SNX29: variants seen among roughly 807,000 people sequenced by gnomAD.
SNX29 encodes sorting nexin-29.
A neutral mutation model predicts 102.1 loss-of-function variants in SNX29; 78 were observed. The ratio of observed to expected loss-of-function variants is 0.76; its 90% CI spans 0.64 to 0.92. The LOEUF is 0.92. Among genes scored for constraint, SNX29 ranks in the 40% least tolerant of loss-of-function variants. The pLI, the probability that SNX29 is intolerant of heterozygous loss-of-function variation, is 0.00. For missense variants in SNX29, 1,280 were observed against 1,061.7 expected (o/e 1.21, Z -2.86); for synonymous variants, 580 against 414.5 (o/e 1.40, Z -4.85).
chr16:12,191,472 C>G (rs1305858236), intron 13 of SNX29, among the ~76,000 whole-genome samples: 1 of 152,162 alleles, frequency 6.6e-6, no homozygotes, highest in East Asian at 1.9e-4. Flanking sequence ...TTGCTTACAC[C>G]TTTCCCCTTC....
rs1315203983 is a variant in SNX29 at position 12,258,235 on chromosome 16, G to A, written c.1679-19698G>A. 5.3e-5 allele frequency among the ~76,000 whole-genome samples: 8 copies of A among 152,222 alleles called. No individual in the cohort carries two copies. In the East Asian group the frequency reaches 7.7e-4, roughly 15 times the overall value. The stretch of plus-strand genomic sequence containing the variant: ...AGCCTCCAGCCCCGTGTCATCTGCC[G>A]CCACCTGCCGTCCTGCTCTGACCTG... On this transcript the variant is annotated intron_variant, in intron 14 of 20. Transcript: ENST00000566228.
intron 15 of SNX29, among the ~76,000 whole-genome samples, chr16:12,296,756 A>G (rs558390940): frequency 2.6e-5 from 4 of 152,224 alleles, no homozygotes; most frequent in Non-Finnish European, 5.9e-5. Flanking sequence ...GGGCCAGGCA[A>G]TAGATACATT....
chr16:12,046,238 A>G, intron 5 of SNX29, 146 bp from the exon 6 acceptor site: 1 of 746,362 alleles, frequency 1.3e-6, no homozygotes, highest in East Asian at 2.8e-5. Context: ...CAGAAGCTGT[A>G]AACCAGCAGA....
At chr16:12,305,307 TC>T (rs1006622304) in intron 15 of SNX29, among the ~76,000 whole-genome samples, 29 of 151,692 alleles carry the variant, frequency 1.9e-4, no homozygotes, top group Non-Finnish European at 2.1e-4. Context: ...GTTGCGAAGA[TC>T]CCCCCCGGCC....
chr16:12,552,909 C>A (rs530720686), intron 20 of SNX29, among the ~76,000 whole-genome samples: 1 of 152,208 alleles, frequency 6.6e-6, no homozygotes, highest in Non-Finnish European at 1.5e-5. Context: ...TAGGCAAGGG[C>A]AGCAGAGCTG....
chr16:12,557,720 C>G (rs928621070), intron 20 of SNX29: 1 of 152,206 alleles, frequency 6.6e-6, no homozygotes, highest in African/African-American at 2.4e-5. Context: ...AGCATCACCT[C>G]AGATGCAGGA....
intron 20 of SNX29, among the ~76,000 whole-genome samples, chr16:12,546,093 A>C (rs1641881): frequency 6.6e-6 from 1 of 152,052 alleles, no homozygotes; most frequent in East Asian, 1.9e-4. Flanking sequence ...CTCTCACTTC[A>C]CTGTGTGACT....
chr16:12,031,842 G>A (rs1261018467), intron 4 of SNX29, among the ~76,000 whole-genome samples: 2 of 152,118 alleles, frequency 1.3e-5, no homozygotes, highest in Non-Finnish European at 2.9e-5. Context: ...AAAAAAATTG[G>A]TAAAATATAC....
At chr16:12,538,666 G>A (rs548417295) in intron 20 of SNX29, among the ~76,000 whole-genome samples, 1 of 152,290 alleles carries the variant, frequency 6.6e-6, no homozygotes, top group South Asian at 2.1e-4. Flanking sequence ...AAGATCCACA[G>A]ATCTTTCATC....
At chr16:12,313,553 G>A (rs936229760) in intron 15 of SNX29, among the ~76,000 whole-genome samples, 16 of 152,152 alleles carry the variant, frequency 1.1e-4, no homozygotes, top group South Asian at 2.1e-4. Context: ...GGCAGCCTCC[G>A]TCAGCCCTCT....
At chr16:12,436,916 G>A (rs1321218537) in intron 18 of SNX29, among the ~76,000 whole-genome samples, 1 of 152,286 alleles carries the variant, frequency 6.6e-6, no homozygotes, top group East Asian at 1.9e-4. Flanking sequence ...GCCTCCCAAA[G>A]TGCTGGGATT....
chr16:12,129,374 C>G (rs1452591680), intron 12 of SNX29, among the ~76,000 whole-genome samples: 2 of 152,202 alleles, frequency 1.3e-5, no homozygotes, highest in African/African-American at 2.4e-5. Context: ...TTTAAGCTGT[C>G]AGAAGGCTGG....
At chr16:12,322,627 A>G (rs2080975800) in intron 15 of SNX29, among the ~76,000 whole-genome samples, 1 of 152,148 alleles carries the variant, frequency 6.6e-6, no homozygotes, top group Non-Finnish European at 1.5e-5. Flanking sequence ...GATCATCTCA[A>G]GCATCCTGTG....
intron 16 of SNX29, among the ~76,000 whole-genome samples, chr16:12,393,117 G>C (rs961080309): frequency 6.6e-6 from 1 of 152,206 alleles, no homozygotes; most frequent in South Asian, 2.1e-4. Context: ...GAGTGAGAAA[G>C]TGACTCTGGA....
intron 13 of SNX29, among the ~76,000 whole-genome samples, chr16:12,178,945 T>C (rs1418131235): frequency 6.6e-6 from 1 of 152,218 alleles, no homozygotes; most frequent in Admixed American, 6.5e-5. Flanking sequence ...AAGTGTATTA[T>C]CCCATGTATC....
At chr16:12,372,566 G>T (rs2082723518) in intron 16 of SNX29, 1 of 152,184 alleles carries the variant, frequency 6.6e-6, no homozygotes, top group Non-Finnish European at 1.5e-5. Flanking sequence ...GTGGTAGATG[G>T]CAGGCTGTTG....
intron 4 of SNX29, among the ~76,000 whole-genome samples, chr16:12,041,613 C>T (rs144289616): frequency 0.014 from 2,138 of 152,248 alleles, 40 homozygotes; most frequent in African/African-American, 0.049. Context: ...AGAGTCTGCT[C>T]GCTGCCCACC....
intron 14 of SNX29, among the ~76,000 whole-genome samples, chr16:12,215,945 A>T (rs1285659956): frequency 7.9e-5 from 12 of 152,098 alleles, no homozygotes; most frequent in Admixed American, 3.3e-4. Flanking sequence ...GTGCGTGCAC[A>T]GTTGTGGGGC....
chr16:12,498,772 A>T (rs1205299670), intron 19 of SNX29, among the ~76,000 whole-genome samples: 1 of 152,222 alleles, frequency 6.6e-6, no homozygotes. Context: ...ACCAAACAGC[A>T]TAGAATTTTT....
Sources: gnomAD v4.1 joint callset for allele counts (sites outside exome capture counted in the v4.1 genomes callset) on GRCh38, gnomAD v4.1.1 for gene constraint, MANE v1.5 for transcripts, NCBI Gene and HGNC (gene_info 2026-07-23, HGNC 2026-07-21) for gene names.